The following PYROXD1 variants were observed in gnomAD, a reference collection of about 807,000 sequenced individuals.
The protein encoded by PYROXD1 is tRNA ligase complex-associated NAD(P)H dehydrogenase PYROXD1.
PYROXD1 carries 42 observed loss-of-function variants against 62.0 expected under a neutral mutation model. That is an observed-to-expected ratio of 0.68 (90% CI 0.53 to 0.88). The LOEUF is 0.88. PYROXD1 is among the 40% of genes least tolerant of loss of function. The pLI, the probability that PYROXD1 is intolerant of heterozygous loss-of-function variation, is 0.00. For missense variants in PYROXD1, 493 were observed against 604.8 expected, an observed-to-expected ratio of 0.82 and a Z score of 1.94; for synonymous variants, 170 against 206.4, an observed-to-expected ratio of 0.82 and a Z score of 1.51.
In PYROXD1 at chr12:21,468,803, A is replaced by G. The variant is rs12422251; in HGVS notation, c.*49A>G. 0.39 allele frequency: 599,946 copies of G among 1,524,566 alleles called. 119,373 individuals carry two copies. The highest frequency in any genetic ancestry group is 0.45 in the Middle Eastern group (2,294 of 5,092). The allele number at this position is 1,524,566 out of a possible 1,614,324, so 94.4% of individuals were successfully genotyped here. Reference sequence around the variant, plus strand: ...TATAAAGTTCCAAATGACACCAGAAAAATCACAAGTCAATAAAATGAATGA... The same window carrying G: ...TATAAAGTTCCAAATGACACCAGAAGAATCACAAGTCAATAAAATGAATGA... On this transcript the variant is annotated 3_prime_UTR_variant, in exon 12 of 12. Transcript: ENST00000240651.
intron 1 of PYROXD1, chr12:21,438,224 T>TTTGCC (rs1942229953): frequency 6.3e-6 from 1 of 159,342 alleles, no homozygotes; most frequent in South Asian, 1.8e-4. Flanking sequence ...TAATGCAAGC[T>TTTGCC]TTGCCTCCCG....
chr12:21,444,142 G>A (rs1452856192), intron 2 of PYROXD1, among the ~76,000 whole-genome samples: 1 of 152,076 alleles, frequency 6.6e-6, no homozygotes, highest in Non-Finnish European at 1.5e-5. Flanking sequence ...TTACTGGTCG[G>A]GTAGCCTTGG....
At chr12:21,454,323 G>A (rs1942556222) in intron 5 of PYROXD1, among the ~76,000 whole-genome samples, 1 of 151,924 alleles carries the variant, frequency 6.6e-6, no homozygotes, top group Non-Finnish European at 1.5e-5. Context: ...AGTTAGGATG[G>A]CCATATATCT....
chr12:21,437,881 C>T, intron 1 of PYROXD1, 67 bp downstream of exon 1: 3 of 1,314,676 alleles, frequency 2.3e-6, no homozygotes, highest in African/African-American at 1.5e-5. Context: ...TGGAGGCCTT[C>T]CTCCCACCCC....
chr12:21,441,145 C>A (rs1192630224), intron 2 of PYROXD1: 1 of 152,326 alleles, frequency 6.6e-6, no homozygotes, highest in Non-Finnish European at 1.5e-5. Context: ...GCCTCAGCCT[C>A]CCAAGTAGCT....
At chr12:21,456,178 A>T in intron 7 of PYROXD1, 83 bp downstream of exon 7, 2 of 856,156 alleles carry the variant, frequency 2.3e-6, no homozygotes, top group Non-Finnish European at 3.7e-6. Context: ...TAATAAATAT[A>T]TAGTCAACGA....
intron 7 of PYROXD1, chr12:21,460,798 A>G (rs1488783668): frequency 1.4e-5 from 4 of 294,990 alleles, no homozygotes; most frequent in Non-Finnish European, 1.9e-5. Flanking sequence ...CCTCGATGCT[A>G]TCTGCTAATG....
chr12:21,452,281 A>G (rs907846537), intron 5 of PYROXD1, 127 bp downstream of exon 5: 2 of 627,580 alleles, frequency 3.2e-6, no homozygotes, highest in Non-Finnish European at 2.4e-6. Flanking sequence ...TATTCTGAAA[A>G]TCAAAGATAA....
chr12:21,470,859 C>G lies in PYROXD1; in HGVS notation c.*2105C>G. Reference sequence around the variant, plus strand: ...CATACCCAGAAATCTAATCAGAAAACTGACTTTTCTCATGTTCAACTGGAC... The same window carrying G: ...CATACCCAGAAATCTAATCAGAAAAGTGACTTTTCTCATGTTCAACTGGAC... On this transcript the variant is annotated 3_prime_UTR_variant, in exon 12 of 12. Transcript: ENST00000240651. The G allele has an allele frequency of 1.4e-6, 1 of 723,104 alleles. No homozygotes were observed. The allele number at this position is 723,104 out of a possible 1,614,324, so 44.8% of individuals were successfully genotyped here. A position where few individuals can be genotyped will look rare whatever the true frequency, so the allele number is the denominator to read the frequency against.
At chr12:21,457,575 A>G (rs1255267773) in intron 7 of PYROXD1, among the ~76,000 whole-genome samples, 5 of 152,210 alleles carry the variant, frequency 3.3e-5, no homozygotes, top group East Asian at 1.9e-4. Context: ...TTATAAAGAA[A>G]AGAGGTTTAA....
chr12:21,448,360 T>C (rs1231913787), intron 3 of PYROXD1: 1 of 264,616 alleles, frequency 3.8e-6, no homozygotes, highest in Non-Finnish European at 7.2e-6. Flanking sequence ...GATAGTATGT[T>C]TTACTTTCAC....
At chr12:21,460,922 G>T in intron 7 of PYROXD1, 103 bp from the exon 8 acceptor site, 1 of 725,092 alleles carries the variant, frequency 1.4e-6, no homozygotes, top group Non-Finnish European at 2.1e-6. Flanking sequence ...TAAGAATTAT[G>T]TTTTCTATAC....
chr12:21,460,463 A>C (rs1211992917), intron 7 of PYROXD1, among the ~76,000 whole-genome samples: 1 of 149,232 alleles, frequency 6.7e-6, no homozygotes. Flanking sequence ...TCGCTCTGTC[A>C]CCCAAGCTGG....
chr12:21,444,913 T>C (rs1357359168), intron 2 of PYROXD1, among the ~76,000 whole-genome samples: 3 of 152,232 alleles, frequency 2.0e-5, no homozygotes, highest in Non-Finnish European at 2.9e-5. Context: ...AATTGAACTT[T>C]AGCTGGACAG....
rs770132990 is a variant in PYROXD1, at chr12:21,468,548, G to A, written c.1297G>A (p.Asp433Asn). The change falls in exon 12 of 12, where the codon GAT becomes AAT. Residue 433 changes from aspartate to asparagine, a missense_variant. By Grantham distance (23) the Asp-to-Asn change is conservative. This residue lies in a region of PYROXD1 where 329 missense variants were observed against 446.6 expected (regional missense o/e 0.74). Coordinates refer to ENST00000240651, the MANE Select transcript of PYROXD1 (RefSeq NM_024854.5). Reference sequence around the variant, plus strand: ...ATACAATGCACAGGGCTTAGGTTCAGATCATGAATTAATGCTGAGATGTAC... The same window carrying A: ...ATACAATGCACAGGGCTTAGGTTCAAATCATGAATTAATGCTGAGATGTAC... The part of the protein sequence containing the change: ...GKYNAQGLGS[D>N]HELMLRCTKG... The A allele has an allele frequency of 6.2e-7, 1 of 1,612,822 alleles. No individual in the cohort carries two copies.
intron 7 of PYROXD1, among the ~76,000 whole-genome samples, chr12:21,457,646 C>T (rs1473155568): frequency 6.6e-6 from 1 of 151,996 alleles, no homozygotes; most frequent in African/African-American, 2.4e-5. Context: ...AGGAAACTTT[C>T]AATCACGGGG....
chr12:21,449,849 A>G (rs1002621609), intron 4 of PYROXD1, among the ~76,000 whole-genome samples, 158 bp downstream of exon 4: 4 of 128,826 alleles, frequency 3.1e-5, no homozygotes, highest in South Asian at 4.9e-4. Context: ...ATTCCTGCCA[A>G]TTTTCTTTCT....
At chr12:21,450,222 ATG>A (rs1433971893) in intron 4 of PYROXD1, among the ~76,000 whole-genome samples, 2 of 152,098 alleles carry the variant, frequency 1.3e-5, no homozygotes, top group African/African-American at 4.8e-5. Flanking sequence ...GTTCATGCTG[ATG>A]TGTTATCAGC....
rs1374646181 is a variant in PYROXD1 at position 21,463,833 on chromosome 12, G to A, written c.1116+971G>A. Among the ~76,000 whole-genome samples, 4 of 152,120 alleles carry A rather than the reference G, an allele frequency of 2.6e-5. No homozygotes were observed. The East Asian group carries it at 7.7e-4, about 29-fold the overall frequency. On this transcript the variant is annotated intron_variant, in intron 10 of 11. Transcript: ENST00000240651. Reference sequence around the variant, plus strand: ...AACAAAAATACTAGAGGAAGATAAAGACAGTGACCAGAGGTGTGCAGAGGG... The same window carrying A: ...AACAAAAATACTAGAGGAAGATAAAAACAGTGACCAGAGGTGTGCAGAGGG...
Sources: gnomAD v4.1 joint callset for allele counts (sites outside exome capture counted in the v4.1 genomes callset) on GRCh38, gnomAD v4.1.1 for gene constraint, gnomAD v4.1.1 regional missense constraint, MANE v1.5 for transcripts, NCBI Gene and HGNC (gene_info 2026-07-23, HGNC 2026-07-21) for gene names.